Variants in LIPN observed in about 807,000 individuals in gnomAD.
The protein encoded by LIPN is lipase member N.
A neutral mutation model predicts 43.7 loss-of-function variants in LIPN; 32 were observed. The ratio of observed to expected loss-of-function variants is 0.73; its 90% CI spans 0.55 to 0.98. The LOEUF (loss-of-function observed/expected upper bound fraction) is 0.98. Ranked by LOEUF, LIPN falls within the 50% of genes least tolerant of loss-of-function variation. The pLI is 0.00. For synonymous variants in LIPN, 156 were observed against 157.6 expected (o/e 0.99, Z 0.08); for missense variants, 505 against 483.8 (o/e 1.04, Z -0.41).
rs780410162 is a variant in LIPN at position 88,770,965 on chromosome 10, G to T, written c.793G>T (p.Gly265Ter). Residue 265 changes from glycine (G) to a stop codon, truncating the protein, a stop_gained, in exon 7 of 10, where the codon GGA (glycine) becomes TGA (stop). Coordinates refer to ENST00000404459, the MANE Select transcript of LIPN (RefSeq NM_001102469.2). LOFTEE classifies it high-confidence loss of function. ...ICSEFMSLWA[G>*]SNKKNMNQSR... ...TAGCGAATTTATGTCCTTATGGGCT[G>T]GATCCAACAAGAAAAATATGAATCA... 70 of 1,571,946 alleles carry T rather than the reference G, an allele frequency of 4.5e-5. No individual in the cohort carries two copies. Among genetic ancestry groups the T allele is most frequent in the Non-Finnish European group, 6.0e-5 (69 of 1,156,720 alleles).
In LIPN at chr10:88,778,443, A is replaced by C. The variant is rs1192921003; in HGVS notation, c.*201A>C. 6.6e-6 allele frequency among the ~76,000 whole-genome samples: 1 copy of C among 152,160 alleles called. No individual in the cohort carries two copies. The highest frequency in any genetic ancestry group is 1.5e-5 in the Non-Finnish European group (1 of 68,018). On this transcript the variant is annotated 3_prime_UTR_variant, in exon 10 of 10. Transcript: ENST00000404459. ...GGACCATCTACAGGTCCTTATAAACAATGAGGTAGATTAGGCAAAAAGATA... is the reference window on the plus strand; with the variant it reads ...GGACCATCTACAGGTCCTTATAAACCATGAGGTAGATTAGGCAAAAAGATA...
chr10:88,775,058 T>G, intron 8 of LIPN, 34 bp from the exon 9 acceptor site: 2 of 1,412,930 alleles, frequency 1.4e-6, no homozygotes, highest in Non-Finnish European at 2.0e-6. Context: ...ATTCTTACCC[T>G]AACTATTCTT....
intron 9 of LIPN, among the ~76,000 whole-genome samples, chr10:88,775,894 G>T (rs1308377476): frequency 6.6e-6 from 1 of 151,916 alleles, no homozygotes; most frequent in Non-Finnish European, 1.5e-5. Context: ...TTGTTTCTGA[G>T]GATCAAAACA....
At chr10:88,766,080 A>C (rs1181154726) in intron 4 of LIPN, among the ~76,000 whole-genome samples, 189 bp from the exon 5 acceptor site, 1 of 151,988 alleles carries the variant, frequency 6.6e-6, no homozygotes, top group Admixed American at 6.6e-5. Context: ...TCTTATAAGG[A>C]AGTAAAATGT....
chr10:88,769,026 G>A (rs1843160750), intron 6 of LIPN, 98 bp downstream of exon 6: 1 of 1,223,506 alleles, frequency 8.2e-7, no homozygotes. Flanking sequence ...AGGAAATTTA[G>A]ATAAAATCTA....
At chr10:88,777,556 T>C (rs1047261632) in intron 9 of LIPN, among the ~76,000 whole-genome samples, 11 of 151,992 alleles carry the variant, frequency 7.2e-5, no homozygotes, top group African/African-American at 2.2e-4. Flanking sequence ...CAGACTTTGA[T>C]TATCTGCCTC....
chr10:88,774,135 C>T (rs532592193), intron 7 of LIPN, among the ~76,000 whole-genome samples: 5 of 152,108 alleles, frequency 3.3e-5, no homozygotes, highest in East Asian at 3.9e-4. Context: ...CACCTGGGTG[C>T]GCATGCATGC....
At chr10:88,764,288 T>C (rs1384762954) in intron 3 of LIPN, 122 bp from the exon 4 acceptor site, 36 of 652,084 alleles carry the variant, frequency 5.5e-5, no homozygotes, top group Non-Finnish European at 8.8e-5. Context: ...TGTTTTACCA[T>C]GTGTGTATGT....
At chr10:88,768,676 C>T in intron 5 of LIPN, 116 bp from the exon 6 acceptor site, 2 of 725,114 alleles carry the variant, frequency 2.8e-6, no homozygotes, top group Non-Finnish European at 4.5e-6. Context: ...ACTTCCAATT[C>T]ATCCCCAGTA....
At position 88,778,084 on chromosome 10, in the gene LIPN, G is replaced by T. The variant is rs569529477; in HGVS notation, c.1039G>T (p.Val347Leu). Reference sequence around the variant, plus strand: ...TTGGGCTGGTGGACATGATGTCCTCGTAACACCCCAGGATGTGGCCAGGAT... The same window carrying T: ...TTGGGCTGGTGGACATGATGTCCTCTTAACACCCCAGGATGTGGCCAGGAT... Reference protein sequence around the residue: ...AIWAGGHDVLVTPQDVARILP... With the variant: ...AIWAGGHDVLLTPQDVARILP... The change falls in exon 10 of 10, where the codon GTA becomes TTA. Residue 347 changes from valine (V) to leucine (L), a missense_variant. By Grantham distance (32) the Val-to-Leu change is conservative. Coordinates refer to ENST00000404459, the MANE Select transcript of LIPN (RefSeq NM_001102469.2). 9 of 1,613,438 alleles carry T rather than the reference G, an allele frequency of 5.6e-6. No individual in the cohort carries two copies. Among genetic ancestry groups the T allele is most frequent in the South Asian group, 1.1e-5 (1 of 91,056 alleles).
At chr10:88,769,367 A>G (rs770486743) in intron 6 of LIPN, among the ~76,000 whole-genome samples, 1 of 151,962 alleles carries the variant, frequency 6.6e-6, no homozygotes, top group African/African-American at 2.4e-5. Context: ...CAATATGGAA[A>G]CTTGCCCTAA....
At chr10:88,758,115 C>T (rs146909433), upstream of LIPN, among the ~76,000 whole-genome samples, 78 of 152,036 alleles carry the variant, frequency 5.1e-4, no homozygotes, top group African/African-American at 1.7e-3. Flanking sequence ...AAAAGATAAC[C>T]ACACTGTAAT....
intron 5 of LIPN, among the ~76,000 whole-genome samples, chr10:88,767,639 A>T (rs1443993083): frequency 9.9e-6 from 1 of 100,756 alleles, no homozygotes. Flanking sequence ...CTTATACTTG[A>T]TCTGCAAAAA....
chr10:88,768,950 G>A (rs775450625), intron 6 of LIPN, 22 bp downstream of exon 6: 5 of 1,603,660 alleles, frequency 3.1e-6, no homozygotes, highest in Non-Finnish European at 3.4e-6. Flanking sequence ...TCAACAAAAT[G>A]TACCTGAGGA....
intron 6 of LIPN, chr10:88,769,577 A>G (rs922804951): frequency 1.0e-6 from 1 of 983,502 alleles, no homozygotes; most frequent in Non-Finnish European, 1.2e-6. Context: ...TGAACACAGC[A>G]TTTAATCAAA....
At chr10:88,772,208 C>A (rs779656890) in intron 7 of LIPN, among the ~76,000 whole-genome samples, 1 of 151,470 alleles carries the variant, frequency 6.6e-6, no homozygotes, top group Non-Finnish European at 1.5e-5. Flanking sequence ...TCAACAGGTT[C>A]TTTAGTTCAC....
At chr10:88,763,645 T>C (rs1843039906) in intron 3 of LIPN, among the ~76,000 whole-genome samples, 1 of 152,036 alleles carries the variant, frequency 6.6e-6, no homozygotes, top group Admixed American at 6.6e-5. Context: ...GCATGCTGGC[T>C]CCAGAGCCTG....
chr10:88,772,181 C>T (rs758246385), intron 7 of LIPN, among the ~76,000 whole-genome samples: 52 of 151,464 alleles, frequency 3.4e-4, no homozygotes, highest in African/African-American at 2.4e-5. Context: ...GGGTAGTTTA[C>T]AAATATTTTC....
At chr10:88,775,208 A>T in intron 9 of LIPN, 45 bp downstream of exon 9, 1 of 1,343,130 alleles carries the variant, frequency 7.4e-7, no homozygotes. Flanking sequence ...TTGATAAATT[A>T]TAATAAAAAA....
Sources: allele counts gnomAD v4.1 joint callset (sites outside exome capture counted in the v4.1 genomes callset), GRCh38; gene constraint gnomAD v4.1.1; transcripts MANE v1.5; gene names NCBI Gene and HGNC (gene_info 2026-07-23, HGNC 2026-07-21).